Variants in FASN observed in about 807,000 individuals in gnomAD.
The protein encoded by FASN is fatty acid synthase.
A neutral mutation model predicts 250.0 loss-of-function variants in FASN; 50 were observed. The observed-to-expected ratio is 0.20, with a 90% CI of 0.16 to 0.25. The LOEUF is 0.25. Ranked by LOEUF, FASN falls within the 10% of genes least tolerant of loss-of-function variation. The pLI, the probability that FASN is intolerant of heterozygous loss-of-function variation, is 1.00. For missense variants in FASN, 3,031 were observed against 3,498.5 expected (o/e 0.87, Z 3.37); for synonymous variants, 1,909 against 1,584.0 (o/e 1.21, Z -4.87).
intron 35 of FASN, 71 bp from the exon 36 acceptor site, chr17:82,082,231 C>A: frequency 6.2e-7 from 1 of 1,602,000 alleles, no homozygotes; most frequent in Admixed American, 1.7e-5. Flanking sequence ...CCCCAGGAAA[C>A]GCCAGAGAGG....
At chr17:82,092,653 T>C in intron 7 of FASN, 44 bp downstream of exon 7, 1 of 1,328,930 alleles carries the variant, frequency 7.5e-7, no homozygotes, top group Non-Finnish European at 1.0e-6. Flanking sequence ...GGGCGTAGGT[T>C]AGGCTCATGG....
chr17:82,096,214 A>C lies in FASN; in HGVS notation c.127+105T>G, dbSNP rs556623254. On this transcript the variant is annotated intron_variant, in intron 2 of 42. Coordinates refer to ENST00000306749, the MANE Select transcript of FASN (RefSeq NM_004104.5). ...CTGCAGCTGGGACCGGCCTCAGGCCAGTGCCTGGGTGGTGAGGACACAGCA... is the reference window on the plus strand; with the variant it reads ...CTGCAGCTGGGACCGGCCTCAGGCCCGTGCCTGGGTGGTGAGGACACAGCA... 1.9e-6 allele frequency: 3 copies of C among 1,562,724 alleles called. No homozygotes were observed. The Admixed American group carries it at 5.0e-5, about 26-fold the overall frequency.
In FASN at chr17:82,088,802, C is replaced by T. The variant is rs914396305; in HGVS notation, c.2379G>A (p.Leu793=). The change falls in exon 15 of 43, where the codon CTG becomes CTA. Residue 793 remains leucine (L), a synonymous_variant. Coordinates refer to ENST00000306749, the MANE Select transcript of FASN (RefSeq NM_004104.5). Reference sequence around the variant, plus strand: ...TGCCGATGCCGGCCAGGAAGAACTCCAGGTTGTCCCTGTGATCCTTCTTCA... The same window carrying T: ...TGCCGATGCCGGCCAGGAAGAACTCTAGGTTGTCCCTGTGATCCTTCTTCA... The part of the protein sequence containing the change: ...PLMKKDHRDN[L]EFFLAGIGRL... 1.9e-6 allele frequency: 3 copies of T among 1,612,470 alleles called. No individual in the cohort carries two copies. Among genetic ancestry groups the T allele is most frequent in the African/African-American group, 2.7e-5 (2 of 74,924 alleles).
chr17:82,090,675 AG>A (rs1466381786), intron 10 of FASN, 111 bp from the exon 11 acceptor site: 6 of 1,136,394 alleles, frequency 5.3e-6, no homozygotes, highest in Non-Finnish European at 7.8e-6. Flanking sequence ...CGACCCTCCC[AG>A]GTCTCCTGAT....
chr17:82,094,246 C>T (rs925313070), intron 3 of FASN: 7 of 243,294 alleles, frequency 2.9e-5, no homozygotes, highest in East Asian at 2.2e-4. Context: ...TGTCCAGGCT[C>T]GGGAAGGAGA....
rs192897796 is a variant in FASN at position 82,088,339 on chromosome 17, G to C, written c.2594-32C>G. The C allele has an allele frequency of 5.7e-4, 921 of 1,609,942 alleles. 13 individuals carry two copies. In the East Asian group the frequency reaches 0.017, roughly 29 times the overall value. ...GAGGGCACAGGCCTCAGCACAGAGC[G>C]GGCGTCTGTGGGGAGGGAAGAGTCT... On this transcript the variant is annotated intron_variant, in intron 16 of 42. Coordinates refer to ENST00000306749, the MANE Select transcript of FASN (RefSeq NM_004104.5).
At position 82,087,448 on chromosome 17, in the gene FASN, G is replaced by A; in HGVS notation, c.3100C>T (p.Leu1034=). The A allele has an allele frequency of 6.2e-7, 1 of 1,612,684 alleles. No individual in the cohort carries two copies. Among genetic ancestry groups the A allele is most frequent in the Non-Finnish European group, 8.5e-7 (1 of 1,179,998 alleles). The change falls in exon 20 of 43, where the codon CTG becomes TTG. Residue 1034 remains leucine, a synonymous_variant. Transcript: ENST00000306749. ...DNWVSFMDTM[L]QMSILGSAKH... is the part of the protein sequence containing the mutation. Reference sequence around the variant, plus strand: ...GCCGAGCCCAGGATGGACATCTGCAGCATGGTGTCCATGAAGCTCACCCAG... The same window carrying A: ...GCCGAGCCCAGGATGGACATCTGCAACATGGTGTCCATGAAGCTCACCCAG...
Position 82,085,636 on chromosome 17 carries a change from C to A in FASN, c.3968G>T (p.Gly1323Val). The A allele has an allele frequency of 6.3e-7, 1 of 1,595,356 alleles. No individual in the cohort carries two copies. The highest frequency in any genetic ancestry group is 8.5e-7 in the Non-Finnish European group (1 of 1,171,842). Residue 1323 changes from glycine (G) to valine (V), a missense_variant, in exon 23 of 43, where the codon GGG becomes GTG. Gly to Val is a moderately radical substitution (Grantham distance 109). Coordinates refer to ENST00000306749, the MANE Select transcript of FASN (RefSeq NM_004104.5). ...GTTGCTGAGAGCTGAGGCCGGGTCC[C>A]CGAGGGCAGCCACAGCACAGTTGCA... ...LVCNCAVAAL[G>V]DPASALSNMV...
At chr17:82,088,698 G>A (rs1240216424) in intron 15 of FASN, 63 bp downstream of exon 15, 16 of 1,530,928 alleles carry the variant, frequency 1.0e-5, no homozygotes, top group Admixed American at 1.7e-5. Context: ...CCGCAGCCCC[G>A]CTCACCCACC....
intron 10 of FASN, 102 bp from the exon 11 acceptor site, chr17:82,090,666 G>T: frequency 1.4e-5 from 16 of 1,178,322 alleles, no homozygotes; most frequent in Non-Finnish European, 1.9e-5. Flanking sequence ...GCGCCCCATC[G>T]ACCCTCCCAG....
rs764256110 is a variant in FASN at position 82,088,431 on chromosome 17, G to A, written c.2552C>T (p.Pro851Leu). The change falls in exon 16 of 43, where the codon CCC (proline) becomes CTC (leucine). Residue 851 changes from proline (P) to leucine (L), a missense_variant. Physicochemically the swap from Pro to Leu is moderately conservative, Grantham distance 98. Coordinates refer to ENST00000306749, the MANE Select transcript of FASN (RefSeq NM_004104.5). ...AWDVPAAEDF[P>L]NGSGSPSAAI... ...GGCTGAGGGGGAACCTGAACCGTTG[G>A]GGAAGTCCTCGGCGGCCGGCACGTC... 6.2e-7 allele frequency: 1 copy of A among 1,611,980 alleles called. No individual in the cohort carries two copies. The highest frequency in any genetic ancestry group is 1.1e-5 in the South Asian group (1 of 91,076).
Position 82,079,784 on chromosome 17 carries a change from C to T in FASN, c.7147-176G>A. ...CTCCACCTACCCGGTTCAAGCGATT[C>T]TCCTCCCTCCGCAACCTCCACCTAC... On this transcript the variant is annotated intron_variant, in intron 41 of 42. Coordinates refer to ENST00000306749, the MANE Select transcript of FASN (RefSeq NM_004104.5). 3.3e-6 allele frequency: 3 copies of T among 895,564 alleles called. No individual in the cohort carries two copies. The South Asian group carries it at 5.3e-5, about 16-fold the overall frequency. The allele number at this position is 895,564 out of a possible 1,614,324, so 55.5% of individuals were successfully genotyped here.
Position 82,083,036 on chromosome 17 carries a change from G to A in FASN, c.5645C>T (p.Pro1882Leu), listed in dbSNP as rs781081288. 2.1e-5 allele frequency: 34 copies of A among 1,612,678 alleles called. No individual in the cohort carries two copies. The highest frequency in any genetic ancestry group is 1.5e-4 in the Admixed American group (9 of 60,002). ...LMSAISKTFC[P>L]AHKSYIIAGG... ...AGCGATGATGTAGCTCTTGTGGGCCGGGCAGAAGGTCTTGGAGATGGCCGA... is the reference window on the plus strand; with the variant it reads ...AGCGATGATGTAGCTCTTGTGGGCCAGGCAGAAGGTCTTGGAGATGGCCGA... Residue 1882 changes from proline to leucine, a missense_variant, in exon 33 of 43, where the codon CCG becomes CTG. By Grantham distance (98) the Pro-to-Leu change is moderately conservative. Transcript: ENST00000306749.
intron 2 of FASN, among the ~76,000 whole-genome samples, chr17:82,096,054 T>A (rs1325777209): frequency 6.6e-6 from 1 of 152,160 alleles, no homozygotes; most frequent in Admixed American, 6.5e-5. Flanking sequence ...CTTGCAGCCA[T>A]TGGGGGAGCC....
In FASN at chr17:82,095,302, C is replaced by T. The variant is rs201729152; in HGVS notation, c.280+18G>A. On this transcript the variant is annotated intron_variant, in intron 3 of 42. Coordinates refer to ENST00000306749, the MANE Select transcript of FASN (RefSeq NM_004104.5). ...CAGCAGGAGCCCTCGGCGCAGCAGT[C>T]GCGAATGCCCGACCCACCTCCGTCC... 15 of 1,612,278 alleles carry T rather than the reference C, an allele frequency of 9.3e-6. No homozygotes were observed. The highest frequency in any genetic ancestry group is 8.9e-5 in the East Asian group (4 of 44,900).
chr17:82,095,676 C>T (rs1598585565), intron 2 of FASN, among the ~76,000 whole-genome samples: 1 of 146,540 alleles, frequency 6.8e-6, no homozygotes, highest in African/African-American at 2.8e-5. Context: ...ATCTGCTGCA[C>T]AAGCCCCAAG....
chr17:82,089,682 C>T lies in FASN; in HGVS notation c.1915G>A (p.Val639Met), dbSNP rs745711103. Residue 639 changes from valine (V) to methionine (M), a missense_variant, in exon 12 of 43, where the codon GTG (valine) becomes ATG (methionine). Coordinates refer to ENST00000306749, the MANE Select transcript of FASN (RefSeq NM_004104.5). ...TCCTTGGAGTTGTGGCAGGCGGGCACCACGCCCGGGGGGCAGCGCTGTTTA... is the reference window on the plus strand; with the variant it reads ...TCCTTGGAGTTGTGGCAGGCGGGCATCACGCCCGGGGGGCAGCGCTGTTTA... ...ECKQRCPPGVVPACHNSKDTV... is the reference protein window; with the variant it reads ...ECKQRCPPGVMPACHNSKDTV... 1.1e-5 allele frequency: 17 copies of T among 1,590,114 alleles called. No individual in the cohort carries two copies. The African/African-American group carries it at 2.1e-4, about 20-fold the overall frequency.
At chr17:82,087,639 G>A (rs534941536) in intron 19 of FASN, 46 bp downstream of exon 19, 4 of 1,605,792 alleles carry the variant, frequency 2.5e-6, no homozygotes, top group South Asian at 2.2e-5. Context: ...CCACAATGAC[G>A]ACCGCCCTCC....
chr17:82,083,886 C>T lies in FASN; in HGVS notation c.5104G>A (p.Ala1702Thr), dbSNP rs1045946649. 2 of 1,566,430 alleles carry T rather than the reference C, an allele frequency of 1.3e-6. No homozygotes were observed. The highest frequency in any genetic ancestry group is 3.8e-5 in the Admixed American group (2 of 51,980). Residue 1702 changes from alanine to threonine, a missense_variant, in exon 30 of 43, where the codon GCT becomes ACT. Transcript: ENST00000306749. Reference sequence around the variant, plus strand: ...GCCTGGAGGTACGCCCGCTTCTCAGCCGACCCTGGTGAAGAGAGGAAGCGC... The same window carrying T: ...GCCTGGAGGTACGCCCGCTTCTCAGTCGACCCTGGTGAAGAGAGGAAGCGC... Reference protein sequence around the residue: ...GCRVFTTVGSAEKRAYLQARF... With the variant: ...GCRVFTTVGSTEKRAYLQARF...
Sources: allele counts gnomAD v4.1 joint callset (sites outside exome capture counted in the v4.1 genomes callset), GRCh38; gene constraint gnomAD v4.1.1; transcripts MANE v1.5; gene names NCBI Gene and HGNC (gene_info 2026-07-23, HGNC 2026-07-21).